DPP6: variants seen among roughly 807,000 people sequenced by gnomAD.
DPP6 encodes the protein dipeptidyl peptidase like 6.
In DPP6, 69 loss-of-function variants were observed where a neutral mutation model predicts 122.6. That is an observed-to-expected ratio of 0.56 (90% CI 0.46 to 0.69). The LOEUF (loss-of-function observed/expected upper bound fraction) is 0.69, where lower values mean the gene tolerates loss of function less well. Ranked by LOEUF, DPP6 falls within the 30% of genes least tolerant of loss-of-function variation. The probability of loss-of-function intolerance (pLI) is 0.00; values close to 1 mark genes in which losing one functional copy is unlikely to be tolerated. For missense variants in DPP6, 928 were observed against 1,116.9 expected (o/e 0.83, Z 2.41); for synonymous variants, 418 against 433.1 (o/e 0.97, Z 0.43).
intron 12 of DPP6, chr7:154,796,377 C>T (rs1798052247): frequency 6.5e-6 from 1 of 153,738 alleles, no homozygotes; most frequent in African/African-American, 2.4e-5. Context: ...TCATCCCTAA[C>T]TCAGATAAAG....
intron 3 of DPP6, among the ~76,000 whole-genome samples, chr7:154,489,589 C>G (rs1454450591): frequency 6.6e-6 from 1 of 152,026 alleles, no homozygotes; most frequent in Non-Finnish European, 1.5e-5. Flanking sequence ...GTGCCAACCT[C>G]ACATCTGATG....
intron 1 of DPP6, among the ~76,000 whole-genome samples, chr7:153,973,230 C>G (rs1796114589): frequency 6.6e-6 from 1 of 152,124 alleles, no homozygotes; most frequent in Non-Finnish European, 1.5e-5. Flanking sequence ...TTATATAAGG[C>G]TCACTCTCCT....
chr7:153,931,124 G>A (rs764031487), intron 1 of DPP6, among the ~76,000 whole-genome samples: 10 of 152,150 alleles, frequency 6.6e-5, no homozygotes, highest in Admixed American at 1.3e-4. Flanking sequence ...AAGCAGTCTC[G>A]GGAGATTATG....
At chr7:154,214,684 AGGTGG>A (rs1358667094) in intron 1 of DPP6, among the ~76,000 whole-genome samples, 3 of 152,192 alleles carry the variant, frequency 2.0e-5, no homozygotes, top group Non-Finnish European at 4.4e-5. Flanking sequence ...TGGGAGGCTG[AGGTGG>A]GTGGATTGCT....
chr7:154,379,597 T>TAA (rs1487753605), intron 1 of DPP6, among the ~76,000 whole-genome samples: 1 of 152,156 alleles, frequency 6.6e-6, no homozygotes, highest in African/African-American at 2.4e-5. Flanking sequence ...TGCTCCCTAA[T>TAA]AAATATAGAA....
At chr7:154,052,366 G>C (rs1025690067), upstream of DPP6, 1 of 153,530 alleles carries the variant, frequency 6.5e-6, no homozygotes, top group Non-Finnish European at 1.4e-5. This position sits in a 1 kb window ranked among gnomAD's most constrained non-coding sequence, Gnocchi z 4.8. Flanking sequence ...GCTGCGCGAG[G>C]GGCCTGGGGG....
At chr7:153,879,258 TTGG>T in the DPP6 span, among the ~76,000 whole-genome samples, 3 of 152,152 alleles carry the variant, frequency 2.0e-5, no homozygotes. Context: ...GGTCTGAGTG[TTGG>T]TGGTAGGGAA....
intron 1 of DPP6, among the ~76,000 whole-genome samples, chr7:154,265,135 G>A (rs113795657): frequency 6.6e-6 from 1 of 151,340 alleles, no homozygotes; most frequent in African/African-American, 2.5e-5. Flanking sequence ...TGGTGTTAAT[G>A]GTGATGGTGA....
intron 1 of DPP6, among the ~76,000 whole-genome samples, chr7:154,077,670 A>AT (rs1215204048): frequency 4.9e-5 from 7 of 141,790 alleles, no homozygotes; most frequent in African/African-American, 1.8e-4. Flanking sequence ...ATTTATTATT[A>AT]TTATTATTTT....
intron 1 of DPP6, among the ~76,000 whole-genome samples, chr7:153,932,278 G>A (rs1234326527): frequency 3.3e-5 from 5 of 151,938 alleles, no homozygotes; most frequent in Non-Finnish European, 5.9e-5. Flanking sequence ...GTGCCACCAC[G>A]CCTGGCTAAT....
At chr7:154,408,441 A>T (rs1816302857) in intron 1 of DPP6, among the ~76,000 whole-genome samples, 1 of 152,026 alleles carries the variant, frequency 6.6e-6, no homozygotes, top group Admixed American at 6.6e-5. Flanking sequence ...TTGTTTTTTT[A>T]AATCTTTTCA....
chr7:154,505,616 T>C (rs1242031862), intron 3 of DPP6, among the ~76,000 whole-genome samples: 1 of 152,204 alleles, frequency 6.6e-6, no homozygotes, highest in Admixed American at 6.5e-5. Flanking sequence ...TATTCTTCAA[T>C]TGCATCATTT....
chr7:154,352,375 A>G (rs995345599), intron 1 of DPP6, among the ~76,000 whole-genome samples: 2 of 152,026 alleles, frequency 1.3e-5, no homozygotes, highest in Non-Finnish European at 2.9e-5. Flanking sequence ...AGGCAGGAGA[A>G]TGGCCAGAAC....
At chr7:154,361,086 G>A (rs1399719833) in intron 1 of DPP6, among the ~76,000 whole-genome samples, 1 of 152,110 alleles carries the variant, frequency 6.6e-6, no homozygotes, top group Non-Finnish European at 1.5e-5. Flanking sequence ...GTAAGGTGCT[G>A]GATTCTGTGG....
At chr7:153,786,924 TAGGA>T in the DPP6 span, among the ~76,000 whole-genome samples, 1 of 145,898 alleles carries the variant, frequency 6.9e-6, no homozygotes, top group African/African-American at 2.5e-5. Context: ...TAAAAAAACA[TAGGA>T]AGGGGAAGAT....
In DPP6 at chr7:154,630,978, CT is replaced by C. The variant is rs1164455893; in HGVS notation, c.628-6842del. The stretch of plus-strand genomic sequence containing the variant: ...AAAATAAAATAATAAAAAATTTCAC[CT>C]AAAAAAAAGAATGTATTTCATTTTC... On this transcript the variant is annotated intron_variant, in intron 5 of 25. Transcript: ENST00000377770. Among the ~76,000 whole-genome samples, 8 of 152,072 alleles carry C rather than the reference CT, an allele frequency of 5.3e-5. No homozygotes were observed. In the East Asian group the frequency reaches 1.5e-3, roughly 29 times the overall value.
chr7:154,722,672 C>T (rs1841879117), intron 7 of DPP6, among the ~76,000 whole-genome samples: 1 of 152,058 alleles, frequency 6.6e-6, no homozygotes, highest in Admixed American at 6.5e-5. Flanking sequence ...TTGTGAGTGG[C>T]TCCAGGTGGG....
At position 153,908,840 on chromosome 7, in the gene DPP6, G is replaced by A. The variant is rs548235152; in HGVS notation, c.51+21106G>A. Among the ~76,000 whole-genome samples, 8 of 152,108 alleles carry A rather than the reference G, an allele frequency of 5.3e-5. No individual in the cohort carries two copies. In the South Asian group the frequency reaches 6.2e-4, roughly 12 times the overall value. ...GCAATCTTGGCTCACTGCAACCTCC[G>A]CCTCCCAGATTCAAGCGATTCTCCT... On this transcript the variant is annotated intron_variant, in intron 1 of 25. Coordinates refer to the DPP6 transcript ENST00000404039.
At chr7:153,783,259 A>G in the DPP6 span, among the ~76,000 whole-genome samples, 3 of 152,218 alleles carry the variant, frequency 2.0e-5, no homozygotes, top group African/African-American at 7.2e-5. Flanking sequence ...TCACAGTTCC[A>G]CATGGCTGGG....
Sources: gnomAD v4.1 joint callset for allele counts (sites outside exome capture counted in the v4.1 genomes callset) on GRCh38, gnomAD v4.1.1 for gene constraint, Gnocchi (gnomAD v3.1) non-coding constraint, MANE v1.5 for transcripts, NCBI Gene and HGNC (gene_info 2026-07-23, HGNC 2026-07-21) for gene names.